MACROD2: variants seen among roughly 807,000 people sequenced by gnomAD.
MACROD2 encodes ADP-ribose glycohydrolase MACROD2.
MACROD2 carries 36 observed loss-of-function variants against 70.4 expected under a neutral mutation model. The ratio of observed to expected loss-of-function variants is 0.51; its 90% CI spans 0.39 to 0.68. MACROD2 has a LOEUF of 0.68. Ranked by LOEUF, MACROD2 falls within the 30% of genes least tolerant of loss-of-function variation. The pLI is 0.00. For missense variants in MACROD2, 496 were observed against 538.4 expected (o/e 0.92, Z 0.78); for synonymous variants, 172 against 178.8 (o/e 0.96, Z 0.30).
chr20:15,114,419 A>T (rs1213483560), intron 5 of MACROD2, among the ~76,000 whole-genome samples: 1 of 152,130 alleles, frequency 6.6e-6, no homozygotes. Context: ...CCATATTATG[A>T]GAGGGGGATG....
At chr20:14,895,747 C>T (rs923818076) in intron 5 of MACROD2, among the ~76,000 whole-genome samples, 7 of 151,966 alleles carry the variant, frequency 4.6e-5, no homozygotes, top group Non-Finnish European at 8.8e-5. Context: ...ATATTATCAT[C>T]CATTAAATGT....
At chr20:15,073,723 C>T (rs2075636664) in intron 5 of MACROD2, among the ~76,000 whole-genome samples, 1 of 152,094 alleles carries the variant, frequency 6.6e-6, no homozygotes, top group Admixed American at 6.5e-5. Flanking sequence ...AGGTCTTGGC[C>T]TCAGTTTTTC....
chr20:14,617,992 G>A (rs1983578908), intron 4 of MACROD2, among the ~76,000 whole-genome samples: 1 of 152,144 alleles, frequency 6.6e-6, no homozygotes, highest in Non-Finnish European at 1.5e-5. Flanking sequence ...TTCTTTTGCG[G>A]AAAGAAGGAT....
At position 15,229,868 on chromosome 20, in the gene MACROD2, A is replaced by G. The variant is rs1483203577; in HGVS notation, c.419-72A>G. 4 of 1,410,568 alleles carry G rather than the reference A, an allele frequency of 2.8e-6. No homozygotes were observed. In the Middle Eastern group the frequency reaches 5.6e-4, roughly 199 times the overall value. The allele number at this position is 1,410,568 out of a possible 1,614,324, so 87.4% of individuals were successfully genotyped here. On this transcript the variant is annotated intron_variant, in intron 5 of 17. Coordinates refer to ENST00000684519, the MANE Select transcript of MACROD2 (RefSeq NM_001351661.2). ...TCTAACACAAATACCTAAAATAAATAAAGTATTAATTATGTAAAAAAAGTG... is the reference window on the plus strand; with the variant it reads ...TCTAACACAAATACCTAAAATAAATGAAGTATTAATTATGTAAAAAAAGTG...
intron 6 of MACROD2, among the ~76,000 whole-genome samples, chr20:15,341,112 C>T (rs578119762): frequency 1.1e-4 from 17 of 152,208 alleles, no homozygotes; most frequent in South Asian, 4.2e-4. Flanking sequence ...AACACCACAC[C>T]GGACCCATTT....
At chr20:15,096,480 A>G (rs1346187354) in intron 5 of MACROD2, among the ~76,000 whole-genome samples, 1 of 148,086 alleles carries the variant, frequency 6.8e-6, no homozygotes, top group Non-Finnish European at 1.5e-5. Context: ...ACGTATTTAT[A>G]TATATAAATA....
chr20:15,020,532 T>C (rs2122960236), intron 5 of MACROD2, among the ~76,000 whole-genome samples: 1 of 152,276 alleles, frequency 6.6e-6, no homozygotes, highest in South Asian at 2.1e-4. Context: ...TGATACCAAC[T>C]GCAGTCATGA....
At chr20:14,021,388 G>A (rs772448240) in intron 2 of MACROD2, among the ~76,000 whole-genome samples, 12 of 152,070 alleles carry the variant, frequency 7.9e-5, no homozygotes, top group East Asian at 1.9e-4. Context: ...AGTCTGTAGC[G>A]GCCTTGGAAC....
intron 12 of MACROD2, among the ~76,000 whole-genome samples, chr20:15,956,305 C>G (rs6074979): frequency 0.1 from 15,886 of 152,190 alleles, 1,019 homozygotes; most frequent in East Asian, 0.25. Context: ...GTTTGTTGTT[C>G]TTCTTCTTCT....
At chr20:14,392,026 CT>C (rs1555787802) in intron 3 of MACROD2, among the ~76,000 whole-genome samples, 1 of 149,902 alleles carries the variant, frequency 6.7e-6, no homozygotes, top group African/African-American at 2.5e-5. Flanking sequence ...AATGCGACTT[CT>C]TTTTTTTTCA....
chr20:15,909,739 G>A (rs2065207088), intron 10 of MACROD2, among the ~76,000 whole-genome samples: 1 of 151,908 alleles, frequency 6.6e-6, no homozygotes, highest in Non-Finnish European at 1.5e-5. Flanking sequence ...TAGCCGGGAT[G>A]GTCTCGATCT....
intron 7 of MACROD2, among the ~76,000 whole-genome samples, chr20:15,486,069 T>C (rs1483744071): frequency 2.0e-5 from 3 of 152,118 alleles, no homozygotes; most frequent in Non-Finnish European, 4.4e-5. Flanking sequence ...GACAATGACA[T>C]GTATTTTATA....
intron 4 of MACROD2, among the ~76,000 whole-genome samples, chr20:14,633,572 T>TA (rs11476055): frequency 6.6e-5 from 10 of 151,978 alleles, no homozygotes; most frequent in Admixed American, 5.9e-4. Context: ...CAAATAAACT[T>TA]AAAAAAACCA....
intron 15 of MACROD2, among the ~76,000 whole-genome samples, chr20:16,007,788 C>T (rs1432764841): frequency 6.6e-6 from 1 of 152,100 alleles, no homozygotes; most frequent in Non-Finnish European, 1.5e-5. Flanking sequence ...ACCCTTTTCC[C>T]CTCTGAGCTG....
chr20:14,332,103 A>G (rs2082853422), intron 3 of MACROD2, among the ~76,000 whole-genome samples: 1 of 152,174 alleles, frequency 6.6e-6, no homozygotes, highest in African/African-American at 2.4e-5. Context: ...TTAAAACTGT[A>G]GTAAAAAGAA....
At chr20:14,666,593 T>A (rs1030379333) in intron 4 of MACROD2, among the ~76,000 whole-genome samples, 1 of 152,092 alleles carries the variant, frequency 6.6e-6, no homozygotes, top group Non-Finnish European at 1.5e-5. Flanking sequence ...ATTTATTTTT[T>A]AAAACAGAGA....
chr20:14,686,546 G>A lies in MACROD2; in HGVS notation c.418+1587G>A, dbSNP rs147448677. ...AACCTGTACTATATTTTTACTGTAC[G>A]TTTTCTATGTTTAGCTATGTTTACA... On this transcript the variant is annotated intron_variant, in intron 5 of 17. Transcript: ENST00000684519. 1.3e-3 allele frequency among the ~76,000 whole-genome samples: 197 copies of A among 152,152 alleles called. 5 individuals carry two copies. In the East Asian group the frequency reaches 0.028, roughly 22 times the overall value.
At chr20:15,269,744 G>T (rs969788315) in intron 6 of MACROD2, among the ~76,000 whole-genome samples, 6 of 152,116 alleles carry the variant, frequency 3.9e-5, no homozygotes, top group African/African-American at 1.4e-4. Flanking sequence ...TTCTGAAGAA[G>T]ACAATTCATA....
chr20:13,995,586 G>A lies in MACROD2; in HGVS notation c.-178G>A. On this transcript the variant is annotated 5_prime_UTR_variant, in exon 1 of 18. Coordinates refer to ENST00000684519, the MANE Select transcript of MACROD2 (RefSeq NM_001351661.2). The surrounding 1 kb of genome is among the most constrained non-coding windows in gnomAD (Gnocchi z 4.3). ...CGGGTGGGAGCCGGAGCCGAGCGCGGGCTGAGGGAGGAGGGCGGCGACTGG... is the reference window on the plus strand; with the variant it reads ...CGGGTGGGAGCCGGAGCCGAGCGCGAGCTGAGGGAGGAGGGCGGCGACTGG... 1 of 689,084 alleles carries A rather than the reference G, an allele frequency of 1.5e-6. No individual in the cohort carries two copies. The allele number at this position is 689,084 out of a possible 1,614,324, so 42.7% of individuals were successfully genotyped here.
Sources: allele counts gnomAD v4.1 joint callset (sites outside exome capture counted in the v4.1 genomes callset), GRCh38; gene constraint gnomAD v4.1.1; non-coding constraint Gnocchi (gnomAD v3.1); transcripts MANE v1.5; gene names NCBI Gene and HGNC (gene_info 2026-07-23, HGNC 2026-07-21).